Variants in TMTC2 observed in about 807,000 individuals in gnomAD.
TMTC2 encodes the protein protein O-mannosyl-transferase TMTC2.
In TMTC2, 43 loss-of-function variants were observed where a neutral mutation model predicts 82.4. That is an observed-to-expected ratio of 0.52 (90% confidence interval 0.41 to 0.67). The LOEUF (loss-of-function observed/expected upper bound fraction) is 0.67. Ranked by LOEUF, TMTC2 falls within the 30% of genes least tolerant of loss-of-function variation. The probability of loss-of-function intolerance (pLI) is 0.00; values close to 1 mark genes in which losing one functional copy is unlikely to be tolerated. For synonymous variants in TMTC2, 408 were observed against 381.9 expected (o/e 1.07, Z -0.80); for missense variants, 919 against 1,012.4 (o/e 0.91, Z 1.25).
At chr12:82,809,541 T>G (rs781079064) in intron 1 of TMTC2, among the ~76,000 whole-genome samples, 8 of 152,172 alleles carry the variant, frequency 5.3e-5, no homozygotes, top group Non-Finnish European at 1.0e-4. Context: ...AAAAAGTGTT[T>G]AAACATACAG....
chr12:82,987,252 C>T (rs181100516), intron 8 of TMTC2, among the ~76,000 whole-genome samples: 26 of 151,688 alleles, frequency 1.7e-4, no homozygotes, highest in African/African-American at 5.6e-4. Flanking sequence ...GGCGAAACTC[C>T]GTCTCTACTA....
intron 1 of TMTC2, among the ~76,000 whole-genome samples, chr12:82,741,835 G>T (rs908709516): frequency 1.3e-5 from 2 of 152,166 alleles, no homozygotes; most frequent in African/African-American, 4.8e-5. Context: ...GGGGAAGAAT[G>T]GTCCTTAGAC....
At chr12:82,885,819 G>A (rs1000759771) in intron 2 of TMTC2, among the ~76,000 whole-genome samples, 37 of 152,038 alleles carry the variant, frequency 2.4e-4, no homozygotes, top group African/African-American at 8.5e-4. Flanking sequence ...TTTCTCCACC[G>A]TAAAGTTACT....
chr12:82,841,354 G>T (rs1055515014), intron 1 of TMTC2, among the ~76,000 whole-genome samples: 1 of 152,186 alleles, frequency 6.6e-6, no homozygotes, highest in African/African-American at 2.4e-5. Flanking sequence ...AAATTTTAAT[G>T]CTAGAGTTAA....
chr12:82,706,510 A>T (rs1263094044), intron 1 of TMTC2, among the ~76,000 whole-genome samples: 5 of 152,108 alleles, frequency 3.3e-5, no homozygotes, highest in Non-Finnish European at 5.9e-5. Flanking sequence ...ACATTTAAAC[A>T]ATTGTCTGAA....
At chr12:82,997,340 GTGTGTGTGTATATATATATATATA>G (rs1296135787) in intron 8 of TMTC2, among the ~76,000 whole-genome samples, 1 of 29,770 alleles carries the variant, frequency 3.4e-5, no homozygotes. Context: ...GTGTGTGTGT[GTGTGTGTGTATATATATATATATA>G]TGTGTATATA....
At chr12:82,785,368 C>A (rs1045276955) in intron 1 of TMTC2, among the ~76,000 whole-genome samples, 5 of 130,924 alleles carry the variant, frequency 3.8e-5, no homozygotes, top group African/African-American at 1.4e-4. Flanking sequence ...CCCCCCCCGT[C>A]CCCCCCAAAC....
intron 1 of TMTC2, among the ~76,000 whole-genome samples, chr12:82,717,498 T>TG (rs1260873167): frequency 6.6e-6 from 1 of 152,140 alleles, no homozygotes; most frequent in Non-Finnish European, 1.5e-5. Context: ...CCCAAAGTGC[T>TG]GGCATTACAG....
chr12:82,921,101 C>G (rs951833120), intron 3 of TMTC2, among the ~76,000 whole-genome samples: 1 of 151,636 alleles, frequency 6.6e-6, no homozygotes. Context: ...TTTTTTCCCC[C>G]TAGCAGTTCT....
intron 2 of TMTC2, among the ~76,000 whole-genome samples, chr12:82,858,884 A>T (rs1247254202): frequency 6.6e-6 from 1 of 152,138 alleles, no homozygotes; most frequent in African/African-American, 2.4e-5. Context: ...AGATTTAGAG[A>T]GAGTAATTGT....
intron 10 of TMTC2, among the ~76,000 whole-genome samples, chr12:83,057,668 C>T (rs1882595725): frequency 6.6e-6 from 1 of 151,696 alleles, no homozygotes; most frequent in African/African-American, 2.4e-5. Flanking sequence ...CAGGAGAACC[C>T]AGCTAATTTC....
chr12:82,981,410 A>G (rs1368301104), intron 7 of TMTC2, among the ~76,000 whole-genome samples: 1 of 151,744 alleles, frequency 6.6e-6, no homozygotes, highest in Non-Finnish European at 1.5e-5. Flanking sequence ...AGGGAGAGAG[A>G]GTGACATTAT....
intron 1 of TMTC2, chr12:82,760,127 C>G (rs1876532922): frequency 1.3e-5 from 2 of 151,994 alleles, no homozygotes; most frequent in Admixed American, 1.3e-4. Context: ...GATTAATAAA[C>G]TAACCAAGTA....
intron 1 of TMTC2, among the ~76,000 whole-genome samples, chr12:82,832,473 A>G (rs1358990671): frequency 1.3e-5 from 2 of 152,158 alleles, no homozygotes; most frequent in Non-Finnish European, 2.9e-5. Flanking sequence ...TCATCAAGTA[A>G]TTATATTGTA....
At chr12:82,755,192 GCAGGTGAGTT>G (rs1876233577) in intron 1 of TMTC2, among the ~76,000 whole-genome samples, 1 of 152,214 alleles carries the variant, frequency 6.6e-6, no homozygotes, top group African/African-American at 2.4e-5. Flanking sequence ...GAGGTGGCAA[GCAGGTGAGTT>G]GAGCTGTTCA....
At chr12:83,081,525 T>C (rs540263559) in intron 11 of TMTC2, among the ~76,000 whole-genome samples, 10 of 152,164 alleles carry the variant, frequency 6.6e-5, no homozygotes, top group Admixed American at 5.9e-4. Flanking sequence ...ATGATCTGGA[T>C]GCATCACATC....
At chr12:83,020,572 T>C (rs1880871487) in intron 8 of TMTC2, among the ~76,000 whole-genome samples, 1 of 152,256 alleles carries the variant, frequency 6.6e-6, no homozygotes, top group Non-Finnish European at 1.5e-5. Context: ...TAATGAAATG[T>C]CTGAATACTG....
chr12:82,759,520 A>G (rs1350212735), intron 1 of TMTC2: 3 of 152,216 alleles, frequency 2.0e-5, no homozygotes, highest in Non-Finnish European at 4.4e-5. Context: ...TCTTGATCTC[A>G]TTTTAGTAAC....
chr12:82,880,553 C>T (rs530134415), intron 2 of TMTC2, among the ~76,000 whole-genome samples: 1 of 152,146 alleles, frequency 6.6e-6, no homozygotes, highest in South Asian at 2.1e-4. Flanking sequence ...GTCAGTTAAC[C>T]GGTCCCTTCC....
Sources: gnomAD v4.1 joint callset for allele counts (sites outside exome capture counted in the v4.1 genomes callset) on GRCh38, gnomAD v4.1.1 for gene constraint, MANE v1.5 for transcripts, NCBI Gene and HGNC (gene_info 2026-07-23, HGNC 2026-07-21) for gene names.